The following QRICH2 variants were observed in gnomAD, a reference collection of about 807,000 sequenced individuals.
QRICH2 encodes the protein glutamine-rich protein 2.
Under a neutral mutation model 168.3 loss-of-function variants are expected in QRICH2, and 119 were observed. That is an observed-to-expected ratio of 0.71 (90% CI 0.61 to 0.82). The LOEUF (loss-of-function observed/expected upper bound fraction) is 0.82, where lower values mean the gene tolerates loss of function less well. Ranked by LOEUF, QRICH2 falls within the 40% of genes least tolerant of loss-of-function variation. The pLI is 0.00. For synonymous variants in QRICH2, 894 were observed against 951.2 expected, an observed-to-expected ratio of 0.94 and a Z score of 1.11; for missense variants, 2,241 against 2,491.6, an observed-to-expected ratio of 0.90 and a Z score of 2.14.
intron 3 of QRICH2, among the ~76,000 whole-genome samples, chr17:76,303,572 C>T (rs573289801): frequency 2.6e-5 from 4 of 152,080 alleles, no homozygotes; most frequent in African/African-American, 9.6e-5. Context: ...TGCCTGTGTG[C>T]AAAAGTCGCC....
In QRICH2 at chr17:76,307,924, G is replaced by T; in HGVS notation, c.75C>A (p.Val25=). 1 of 1,237,294 alleles carries T rather than the reference G, an allele frequency of 8.1e-7. No homozygotes were observed. The highest frequency in any genetic ancestry group is 3.1e-5 in the East Asian group (1 of 31,756). The allele number at this position is 1,237,294 out of a possible 1,614,324, so 76.6% of individuals were successfully genotyped here. ...LSIGTPEVGA[V]NFTALHTLIV... is the part of the protein sequence containing the mutation. Reference sequence around the variant, plus strand: ...TGAGCGTGTGCAGGGCCGTGAAGTTGACGGCGCCCACCTCTGGCGTGCCGA... The same window carrying T: ...TGAGCGTGTGCAGGGCCGTGAAGTTTACGGCGCCCACCTCTGGCGTGCCGA... Residue 25 remains valine (V), a synonymous_variant, in exon 1 of 19, where the codon GTC becomes GTA. Transcript: ENST00000680821. This position sits in a 1 kb window ranked among gnomAD's most constrained non-coding sequence, Gnocchi z 5.3.
chr17:76,276,611 G>A, intron 17 of QRICH2, 69 bp downstream of exon 17: 1 of 1,177,598 alleles, frequency 8.5e-7, no homozygotes, highest in Non-Finnish European at 1.3e-6. Flanking sequence ...AAAAGTGCCA[G>A]GCCCCACAAT....
intron 4 of QRICH2, 46 bp from the exon 5 acceptor site, chr17:76,290,123 TG>T (rs2070962399): frequency 3.5e-6 from 5 of 1,416,314 alleles, no homozygotes; most frequent in African/African-American, 1.4e-5. Flanking sequence ...AGATCTCTAG[TG>T]GGCTCCCAAT....
chr17:76,302,464 C>T (rs543965518), intron 3 of QRICH2, among the ~76,000 whole-genome samples: 22 of 152,258 alleles, frequency 1.4e-4, no homozygotes, highest in African/African-American at 4.1e-4. Flanking sequence ...CATTACCTTA[C>T]GTGGTAAAAG....
rs1370226456 is a variant in QRICH2, at chr17:76,304,875, G to GT, written c.594+6dup. ...GAGCCCTTTCCCATGGAACTGGCTG[G>GT]TATTACCAGGAATTGCTCCCGATCT... On this transcript the variant is annotated splice_region_variant and intron_variant, in intron 2 of 18. Transcript: ENST00000680821. 1 of 1,604,916 alleles carries GT rather than the reference G, an allele frequency of 6.2e-7. No individual in the cohort carries two copies. The highest frequency in any genetic ancestry group is 2.2e-5 in the East Asian group (1 of 44,848).
chr17:76,277,603 CACAT>C (rs2070707587), intron 15 of QRICH2, among the ~76,000 whole-genome samples: 1 of 152,024 alleles, frequency 6.6e-6, no homozygotes, highest in Non-Finnish European at 1.5e-5. Flanking sequence ...CATACTTATG[CACAT>C]ACACACGAAG....
intron 2 of QRICH2, 137 bp downstream of exon 2, chr17:76,304,745 C>T: frequency 1.3e-6 from 1 of 790,674 alleles, no homozygotes. Flanking sequence ...AGATTTCCCT[C>T]CAACCCTGGG....
chr17:76,285,583 T>C (rs1281202595), intron 7 of QRICH2, among the ~76,000 whole-genome samples: 1 of 150,586 alleles, frequency 6.6e-6, no homozygotes, highest in Non-Finnish European at 1.5e-5. Context: ...CAAAAACTTA[T>C]ACATGAGGCC....
At chr17:76,277,947 A>T (rs2070717137) in intron 15 of QRICH2, 42 bp downstream of exon 15, 3 of 1,593,532 alleles carry the variant, frequency 1.9e-6, no homozygotes, top group Non-Finnish European at 2.6e-6. Context: ...AAGCCTGGTC[A>T]CTGGGTGCCT....
intron 3 of QRICH2, among the ~76,000 whole-genome samples, chr17:76,294,646 C>T (rs2070765661): frequency 6.6e-6 from 1 of 151,506 alleles, no homozygotes; most frequent in African/African-American, 2.4e-5. Context: ...AACCCCATCT[C>T]TACTGAAAAT....
At position 76,304,346 on chromosome 17, in the gene QRICH2, C is replaced by T. The variant is rs1012219213; in HGVS notation, c.705+69G>A. 13 of 934,658 alleles carry T rather than the reference C, an allele frequency of 1.4e-5. No individual in the cohort carries two copies. The African/African-American group carries it at 1.8e-4, about 13-fold the overall frequency. The allele number at this position is 934,658 out of a possible 1,614,324, so 57.9% of individuals were successfully genotyped here. A position where few individuals can be genotyped will look rare whatever the true frequency, so the allele number is the denominator to read the frequency against. ...AATATCCATAGAACAGAATCCTGTG[C>T]AGCTGTACAAAGCGAGAAGTTCTGG... On this transcript the variant is annotated intron_variant, in intron 3 of 18. Coordinates refer to ENST00000680821, the MANE Select transcript of QRICH2 (RefSeq NM_001388453.1).
intron 14 of QRICH2, among the ~76,000 whole-genome samples, chr17:76,278,657 T>G (rs576243107): frequency 1.3e-5 from 2 of 152,344 alleles, no homozygotes; most frequent in Admixed American, 1.3e-4. Flanking sequence ...GCCCACCCTC[T>G]GGCTGAGCTA....
chr17:76,295,393 G>A (rs1394526516), intron 3 of QRICH2, among the ~76,000 whole-genome samples: 1 of 152,208 alleles, frequency 6.6e-6, no homozygotes, highest in Non-Finnish European at 1.5e-5. Flanking sequence ...AGTGGCTCAC[G>A]CCTGTCATCC....
At chr17:76,277,959 C>A (rs762190362) in intron 15 of QRICH2, 30 bp downstream of exon 15, 2 of 1,601,388 alleles carry the variant, frequency 1.2e-6, no homozygotes, top group Non-Finnish European at 1.7e-6. Context: ...TGGGTGCCTG[C>A]TCCCATGGCC....
At position 76,280,524 on chromosome 17, in the gene QRICH2, G is replaced by C. The variant is rs541456413; in HGVS notation, c.4462-73C>G. Reference sequence around the variant, plus strand: ...AGGGGCCCCATTCCCTGGGGGTGTCGACCCCTATCACCAGGCAGGTTTCTG... The same window carrying C: ...AGGGGCCCCATTCCCTGGGGGTGTCCACCCCTATCACCAGGCAGGTTTCTG... On this transcript the variant is annotated intron_variant, in intron 10 of 18. Coordinates refer to ENST00000680821, the MANE Select transcript of QRICH2 (RefSeq NM_001388453.1). The surrounding 1 kb of genome is among the most constrained non-coding windows in gnomAD (Gnocchi z 7.4). 1.9e-6 allele frequency: 3 copies of C among 1,589,306 alleles called. No individual in the cohort carries two copies. Among genetic ancestry groups the C allele is most frequent in the African/African-American group, 2.7e-5 (2 of 74,414 alleles).
chr17:76,309,971 A>G (rs749405883), upstream of QRICH2: 2 of 151,526 alleles, frequency 1.3e-5, no homozygotes, highest in African/African-American at 2.4e-5. Flanking sequence ...GGTTATCAAA[A>G]TAACTAGTTC....
intron 18 of QRICH2, among the ~76,000 whole-genome samples, chr17:76,275,133 A>C (rs1314424653): frequency 6.6e-6 from 1 of 152,054 alleles, no homozygotes; most frequent in Non-Finnish European, 1.5e-5. Context: ...AGACATTCAC[A>C]AGGAATGTGG....
At chr17:76,305,786 G>T (rs557800306) in intron 1 of QRICH2, among the ~76,000 whole-genome samples, 418 of 151,956 alleles carry the variant, frequency 2.8e-3, no homozygotes, top group Non-Finnish European at 4.6e-3. Flanking sequence ...ATCATATTTG[G>T]GATTAAGAAA....
Position 76,293,791 on chromosome 17 carries a change from T to C in QRICH2, c.936A>G (p.Arg312=). ...EQSKVPSGTG[R]QQQPRARDEA... is the part of the protein sequence containing the mutation. ...CATCACGGGCCCTCGGCTGCTGCTG[T>C]CTCCCAGTACCAGAGGGGACCTTGC... Residue 312 remains arginine (R), a synonymous_variant, in exon 4 of 19, where the codon AGA becomes AGG. Coordinates refer to ENST00000680821, the MANE Select transcript of QRICH2 (RefSeq NM_001388453.1). 1.2e-6 allele frequency: 2 copies of C among 1,614,052 alleles called. No individual in the cohort carries two copies. The highest frequency in any genetic ancestry group is 4.5e-5 in the East Asian group (2 of 44,874).
Sources: allele counts gnomAD v4.1 joint callset (sites outside exome capture counted in the v4.1 genomes callset), GRCh38; gene constraint gnomAD v4.1.1; non-coding constraint Gnocchi (gnomAD v3.1); transcripts MANE v1.5; gene names NCBI Gene and HGNC (gene_info 2026-07-23, HGNC 2026-07-21).